Variants in GALNT18 observed in about 807,000 individuals in gnomAD.
GALNT18 encodes polypeptide N-acetylgalactosaminyltransferase 18, also known as GalNAc-transferase 18.
Under a neutral mutation model 69.5 loss-of-function variants are expected in GALNT18, and 44 were observed. The ratio of observed to expected loss-of-function variants is 0.63; its 90% CI spans 0.50 to 0.81. The LOEUF (loss-of-function observed/expected upper bound fraction) is 0.81, where lower values mean the gene tolerates loss of function less well. GALNT18 is among the 40% of genes least tolerant of loss of function. GALNT18 has a pLI of 0.00. For synonymous variants in GALNT18, 364 were observed against 318.2 expected (o/e 1.14, Z -1.53); for missense variants, 715 against 810.0 (o/e 0.88, Z 1.42).
chr11:11,454,448 T>A lies in GALNT18; in HGVS notation c.236-5512A>T, dbSNP rs190098381. On this transcript the variant is annotated intron_variant, in intron 1 of 10. Coordinates refer to ENST00000227756, the MANE Select transcript of GALNT18 (RefSeq NM_198516.3). This position sits in a 1 kb window ranked among gnomAD's most constrained non-coding sequence, Gnocchi z 4.2. ...GCATGGAGTAATTACCCCCAAAATA[T>A]AGGGAGAAGGAAGATAAGGAGGGAG... 6.6e-6 allele frequency among the ~76,000 whole-genome samples: 1 copy of A among 151,864 alleles called. No homozygotes were observed.
At chr11:11,296,064 C>T (rs115422226) in intron 9 of GALNT18, among the ~76,000 whole-genome samples, 3,473 of 152,216 alleles carry the variant, frequency 0.023, 138 homozygotes, top group African/African-American at 0.079. Flanking sequence ...GAAAATTAAA[C>T]AGCCATAGAG....
intron 1 of GALNT18, among the ~76,000 whole-genome samples, chr11:11,504,261 G>A (rs1433997757): frequency 6.6e-6 from 1 of 152,156 alleles, no homozygotes; most frequent in Non-Finnish European, 1.5e-5. Context: ...CAGCTGCAGG[G>A]CAGAGAGCAC....
intron 9 of GALNT18, among the ~76,000 whole-genome samples, chr11:11,311,008 C>T (rs1849663357): frequency 6.6e-6 from 1 of 152,188 alleles, no homozygotes; most frequent in Non-Finnish European, 1.5e-5. Flanking sequence ...TCTCCCGTCT[C>T]AGATTCTCAG....
chr11:11,385,060 C>T (rs1420595084), intron 3 of GALNT18, among the ~76,000 whole-genome samples: 1 of 152,096 alleles, frequency 6.6e-6, no homozygotes, highest in African/African-American at 2.4e-5. Context: ...AGGCTGCTTC[C>T]ACTCATGGTG....
intron 1 of GALNT18, among the ~76,000 whole-genome samples, chr11:11,489,501 A>G (rs569187852): frequency 6.6e-6 from 1 of 152,328 alleles, no homozygotes; most frequent in African/African-American, 2.4e-5. Context: ...GCCAGTCCAC[A>G]TGAAGATGGA....
chr11:11,307,568 G>T (rs979692078), intron 9 of GALNT18, among the ~76,000 whole-genome samples: 2 of 152,138 alleles, frequency 1.3e-5, no homozygotes, highest in African/African-American at 4.8e-5. Flanking sequence ...TGGCCCTAAA[G>T]CCCACCTCAA....
At chr11:11,373,675 G>A (rs1190924004) in intron 5 of GALNT18, among the ~76,000 whole-genome samples, 4 of 152,232 alleles carry the variant, frequency 2.6e-5, no homozygotes, top group African/African-American at 9.6e-5. Flanking sequence ...TTCCTTCCTT[G>A]AGGGCTGTGA....
intron 1 of GALNT18, among the ~76,000 whole-genome samples, chr11:11,554,549 T>C (rs1393098474): frequency 6.6e-6 from 1 of 152,174 alleles, no homozygotes. Flanking sequence ...CCCTGAAAGT[T>C]AACCAGGCTT....
chr11:11,370,615 C>G (rs762838448), intron 6 of GALNT18, among the ~76,000 whole-genome samples: 19 of 151,884 alleles, frequency 1.3e-4, no homozygotes, highest in South Asian at 4.2e-4. Flanking sequence ...GATATCATTG[C>G]CAACTGTATT....
chr11:11,401,413 G>T (rs773508399), intron 3 of GALNT18, among the ~76,000 whole-genome samples: 1 of 152,178 alleles, frequency 6.6e-6, no homozygotes, highest in Non-Finnish European at 1.5e-5. Flanking sequence ...TCACTGCAAG[G>T]TTTGGTGCTG....
At position 11,404,110 on chromosome 11, in the gene GALNT18, G is replaced by A. The variant is rs1389055163; in HGVS notation, c.596-24846C>T. Among the ~76,000 whole-genome samples the A allele has an allele frequency of 1.3e-5, 2 of 152,248 alleles. No homozygotes were observed. The highest frequency in any genetic ancestry group is 1.5e-5 in the Non-Finnish European group (1 of 68,046). The stretch of plus-strand genomic sequence containing the variant: ...GCCCCGCCACTTGCTGGCAGCAGGA[G>A]GAGAGCATTCCCATGTCTCATGGGC... On this transcript the variant is annotated intron_variant, in intron 3 of 10. Transcript: ENST00000227756. This position sits in a 1 kb window ranked among gnomAD's most constrained non-coding sequence, Gnocchi z 4.5.
chr11:11,343,222 C>T (rs559410831), intron 6 of GALNT18, among the ~76,000 whole-genome samples: 4 of 152,170 alleles, frequency 2.6e-5, no homozygotes, highest in South Asian at 4.1e-4. Flanking sequence ...GTGGCACGTG[C>T]CTGTAGTCCC....
chr11:11,374,714 C>A (rs1300176838), intron 5 of GALNT18, among the ~76,000 whole-genome samples: 1 of 152,206 alleles, frequency 6.6e-6, no homozygotes, highest in East Asian at 1.9e-4. Flanking sequence ...TTACACCTTG[C>A]CTCATTCCTG....
rs914566890 is a variant in GALNT18 at position 11,337,292 on chromosome 11, C to A, written c.1278+3527G>T. ...TTAATAAGCGTTAGCAAGGCGTCAC[C>A]AAGCTCTTACCATGCGCCCTGCCTT... On this transcript the variant is annotated intron_variant, in intron 7 of 10. Coordinates refer to ENST00000227756, the MANE Select transcript of GALNT18 (RefSeq NM_198516.3). This position sits in a 1 kb window ranked among gnomAD's most constrained non-coding sequence, Gnocchi z 4.9. Among the ~76,000 whole-genome samples the A allele has an allele frequency of 1.3e-5, 2 of 152,176 alleles. No homozygotes were observed. Among genetic ancestry groups the A allele is most frequent in the African/African-American group, 4.8e-5 (2 of 41,434 alleles).
rs1850328309 is a variant in GALNT18 at position 11,347,769 on chromosome 11, T to C, written c.1093-6765A>G. ...TGACTTGTACGACTCATGTGGTCCT[T>C]ATTTCTTGGCTCATGTGGTTAATTA... On this transcript the variant is annotated intron_variant, in intron 6 of 10. Coordinates refer to ENST00000227756, the MANE Select transcript of GALNT18 (RefSeq NM_198516.3). The surrounding 1 kb of genome is among the most constrained non-coding windows in gnomAD (Gnocchi z 4.0). Among the ~76,000 whole-genome samples, 1 of 152,208 alleles carries C rather than the reference T, an allele frequency of 6.6e-6. No individual in the cohort carries two copies. The highest frequency in any genetic ancestry group is 1.5e-5 in the Non-Finnish European group (1 of 68,034).
At chr11:11,351,650 T>G (rs1209258406) in intron 6 of GALNT18, among the ~76,000 whole-genome samples, 1 of 152,226 alleles carries the variant, frequency 6.6e-6, no homozygotes, top group Admixed American at 6.5e-5. Context: ...CGCTATCTAC[T>G]GTAATCACTT....
rs1284903103 is a variant in GALNT18, at chr11:11,619,983, CCCTGAACCTT to C, written c.235+1366_235+1375del. 1.3e-5 allele frequency among the ~76,000 whole-genome samples: 2 copies of C among 152,186 alleles called. No homozygotes were observed. The highest frequency in any genetic ancestry group is 4.8e-5 in the African/African-American group (2 of 41,448). ...GCCTCTCCTGCACTCACCTGAACCT[CCCTGAACCTT>C]CCCCTCCTGGAAAGGAACTATTCTG... is the stretch of plus-strand genomic sequence containing the variant. On this transcript the variant is annotated intron_variant, in intron 1 of 10. Transcript: ENST00000227756. This position sits in a 1 kb window ranked among gnomAD's most constrained non-coding sequence, Gnocchi z 4.9.
chr11:11,618,929 A>G lies in GALNT18; in HGVS notation c.235+2430T>C, dbSNP rs1414340539. Among the ~76,000 whole-genome samples, 1 of 152,192 alleles carries G rather than the reference A, an allele frequency of 6.6e-6. No individual in the cohort carries two copies. Among genetic ancestry groups the G allele is most frequent in the East Asian group, 1.9e-4 (1 of 5,202 alleles). On this transcript the variant is annotated intron_variant, in intron 1 of 10. Coordinates refer to ENST00000227756, the MANE Select transcript of GALNT18 (RefSeq NM_198516.3). The surrounding 1 kb of genome is among the most constrained non-coding windows in gnomAD (Gnocchi z 6.1). ...GGGAACTTGACAGTGGGTTACACAT[A>G]AACAGCTTGTACCATCAAGCACAAG...
At chr11:11,460,488 C>T (rs944676914) in intron 1 of GALNT18, among the ~76,000 whole-genome samples, 2 of 152,204 alleles carry the variant, frequency 1.3e-5, no homozygotes, top group African/African-American at 4.8e-5. Context: ...CCAAGTTCTC[C>T]AAAGGTGCAG....
Sources: gnomAD v4.1 joint callset for allele counts (sites outside exome capture counted in the v4.1 genomes callset) on GRCh38, gnomAD v4.1.1 for gene constraint, Gnocchi (gnomAD v3.1) non-coding constraint, MANE v1.5 for transcripts, NCBI Gene and HGNC (gene_info 2026-07-23, HGNC 2026-07-21) for gene names.